The following ERMARD variants were observed in gnomAD, a reference collection of about 807,000 sequenced individuals.
The protein encoded by ERMARD is ER membrane associated RNA degradation.
In ERMARD, 71 loss-of-function variants were observed where a neutral mutation model predicts 83.9. The observed-to-expected ratio is 0.85, with a 90% CI of 0.70 to 1.03. ERMARD has a LOEUF of 1.03. Ranked by LOEUF, ERMARD falls within the 50% of genes least tolerant of loss-of-function variation. The pLI, the probability that ERMARD is intolerant of heterozygous loss-of-function variation, is 0.00. For synonymous variants in ERMARD, 284 were observed against 298.6 expected (o/e 0.95, Z 0.50); for missense variants, 838 against 810.9 (o/e 1.03, Z -0.41).
At chr6:169,773,277 C>T (rs770311914) in intron 12 of ERMARD, 42 bp from the exon 13 acceptor site, 45 of 1,572,464 alleles carry the variant, frequency 2.9e-5, no homozygotes, top group Non-Finnish European at 2.6e-6. Flanking sequence ...AAGCTAAAAG[C>T]CCACCCAAAC....
chr6:169,755,528 C>T (rs1790695443), intron 3 of ERMARD, 106 bp downstream of exon 3: 1 of 1,424,264 alleles, frequency 7.0e-7, no homozygotes, highest in African/African-American at 1.4e-5. Context: ...CCAGGCCCTC[C>T]AGCGGTGAAG....
intron 9 of ERMARD, 113 bp from the exon 10 acceptor site, chr6:169,766,525 A>G: frequency 1.3e-6 from 1 of 746,268 alleles, no homozygotes; most frequent in Non-Finnish European, 2.1e-6. Flanking sequence ...TTGTTTTAAC[A>G]AAAAACTTTG....
In ERMARD at chr6:169,767,572, AAC is replaced by A. The variant is rs536465931; in HGVS notation, c.991-525_991-524del. 659 of 160,668 alleles carry A rather than the reference AAC, an allele frequency of 4.1e-3. 6 individuals are homozygous for A. The highest frequency in any genetic ancestry group is 0.015 in the African/African-American group (626 of 41,550). 10.0% of individuals were successfully genotyped at this position (160,668 alleles called of 1,614,324 possible). On this transcript the variant is annotated intron_variant, in intron 10 of 17. Coordinates refer to ENST00000366773, the MANE Select transcript of ERMARD (RefSeq NM_018341.3). ...ATACACACACTCTAATGTGTACACA[AAC>A]ACACATGCACATACCACACATACAC...
At chr6:169,774,087 G>A (rs1305972293) in intron 13 of ERMARD, among the ~76,000 whole-genome samples, 3 of 152,232 alleles carry the variant, frequency 2.0e-5, no homozygotes, top group East Asian at 3.9e-4. Flanking sequence ...TGTAATCCCA[G>A]CACTTTGGGA....
At chr6:169,768,936 G>A (rs998644708) in intron 11 of ERMARD, among the ~76,000 whole-genome samples, 7 of 152,148 alleles carry the variant, frequency 4.6e-5, no homozygotes, top group Admixed American at 1.3e-4. Context: ...ACAGTCAGGC[G>A]ACCTAGAATC....
In ERMARD at chr6:169,776,560, G is replaced by C; in HGVS notation, c.1626G>C (p.Gln542His). The change falls in exon 16 of 18, where the codon CAG becomes CAC. Residue 542 changes from glutamine (Q) to histidine (H), a missense_variant. Physicochemically the swap from Gln to His is conservative, Grantham distance 24 (BLOSUM62 0). Coordinates refer to ENST00000366773, the MANE Select transcript of ERMARD (RefSeq NM_018341.3). Reference sequence around the variant, plus strand: ...TTGTGCTCCGAAGCATCAGCGAACAGTGCCGCCGTGTGTCCAGCCAGGTCA... The same window carrying C: ...TTGTGCTCCGAAGCATCAGCGAACACTGCCGCCGTGTGTCCAGCCAGGTCA... ...VLVVLRSISE[Q>H]CRRVSSQVTV... The C allele has an allele frequency of 6.2e-7, 1 of 1,614,224 alleles. No individual in the cohort carries two copies. Among genetic ancestry groups the C allele is most frequent in the Non-Finnish European group, 8.5e-7 (1 of 1,180,050 alleles).
intron 6 of ERMARD, 120 bp from the exon 7 acceptor site, chr6:169,759,718 G>A (rs372242796): frequency 3.7e-5 from 36 of 982,434 alleles, no homozygotes; most frequent in Admixed American, 3.2e-4. Flanking sequence ...CACCGTGATC[G>A]GACAGTTTCA....
At chr6:169,753,274 C>G (rs1010722678) in intron 1 of ERMARD, 5 of 154,380 alleles carry the variant, frequency 3.2e-5, no homozygotes, top group African/African-American at 1.2e-4. Context: ...CATTTGCTGC[C>G]TCTTGTCTTC....
In ERMARD at chr6:169,769,531, T is replaced by G; in HGVS notation, c.1060-9T>G. 1 of 1,594,666 alleles carries G rather than the reference T, an allele frequency of 6.3e-7. No individual in the cohort carries two copies. ...TAACAAAATATTTTCTCTGTTTAATTTCTGAAAGGAATTTCTCTGGGATTT... is the reference window on the plus strand; with the variant it reads ...TAACAAAATATTTTCTCTGTTTAATGTCTGAAAGGAATTTCTCTGGGATTT... On this transcript the variant is annotated splice_polypyrimidine_tract_variant and intron_variant, in intron 11 of 17. Coordinates refer to ENST00000366773, the MANE Select transcript of ERMARD (RefSeq NM_018341.3).
At chr6:169,776,281 A>T (rs1394887262) in intron 15 of ERMARD, 174 bp from the exon 16 acceptor site, 2 of 1,550,972 alleles carry the variant, frequency 1.3e-6, no homozygotes, top group Non-Finnish European at 1.7e-6. Context: ...TCTGTTTGCC[A>T]CAATTCAGTG....
intron 9 of ERMARD, 100 bp from the exon 10 acceptor site, chr6:169,766,538 A>C: frequency 1.2e-6 from 1 of 847,058 alleles, no homozygotes; most frequent in Middle Eastern, 2.4e-4. Flanking sequence ...AAACTTTGGG[A>C]TGTGTGGCCA....
intron 12 of ERMARD, among the ~76,000 whole-genome samples, chr6:169,770,168 TA>T (rs1438779874): frequency 6.6e-6 from 1 of 152,240 alleles, no homozygotes; most frequent in East Asian, 1.9e-4. Context: ...ACAGTTATTT[TA>T]AAAATTGTTT....
chr6:169,761,639 A>G (rs1791563817), intron 8 of ERMARD, among the ~76,000 whole-genome samples: 1 of 152,014 alleles, frequency 6.6e-6, no homozygotes, highest in Non-Finnish European at 1.5e-5. Flanking sequence ...TTTTAAAATC[A>G]CTAGTTAGTG....
At position 169,763,571 on chromosome 6, in the gene ERMARD, G is replaced by A. The variant is rs115573996; in HGVS notation, c.960+1040G>A. ...GCTTCCCACGGGACGATCTGTTGTGGAGGGAGGGCAGGTGCAGCCGCTCCA... is the reference window on the plus strand; with the variant it reads ...GCTTCCCACGGGACGATCTGTTGTGAAGGGAGGGCAGGTGCAGCCGCTCCA... On this transcript the variant is annotated intron_variant, in intron 9 of 17. Coordinates refer to ENST00000366773, the MANE Select transcript of ERMARD (RefSeq NM_018341.3). Among the ~76,000 whole-genome samples the A allele has an allele frequency of 3.2e-3, 495 of 152,358 alleles. 10 individuals are homozygous for A. The highest frequency in any genetic ancestry group is 0.012 in the African/African-American group (481 of 41,588).
intron 15 of ERMARD, 49 bp from the exon 16 acceptor site, chr6:169,776,406 G>T (rs778462383): frequency 6.3e-7 from 1 of 1,586,256 alleles, no homozygotes; most frequent in African/African-American, 1.3e-5. Flanking sequence ...GGAGAGTGAG[G>T]CCCAGGTGAG....
At chr6:169,774,681 C>T (rs895731739) in intron 13 of ERMARD, among the ~76,000 whole-genome samples, 7 of 152,346 alleles carry the variant, frequency 4.6e-5, no homozygotes, top group African/African-American at 1.7e-4. Flanking sequence ...CACCGTTGTA[C>T]TTGCTCATAC....
chr6:169,759,945 C>A lies in ERMARD; in HGVS notation c.713C>A (p.Thr238Lys), dbSNP rs745553707. Residue 238 changes from threonine to lysine, a missense_variant, in exon 7 of 18, where the codon ACA becomes AAA. Thr to Lys is a moderately conservative substitution (Grantham distance 78). Transcript: ENST00000366773. Reference sequence around the variant, plus strand: ...GCACATCGCTCTTTCATATCTCTTACAAACCTCGAGGATTTGATTGTTTTT... The same window carrying A: ...GCACATCGCTCTTTCATATCTCTTAAAAACCTCGAGGATTTGATTGTTTTT... Reference protein sequence around the residue: ...TLAHRSFISLTNLEDLIVFPD... With the variant: ...TLAHRSFISLKNLEDLIVFPD... The A allele has an allele frequency of 8.1e-6, 13 of 1,614,114 alleles. No individual in the cohort carries two copies. In the Admixed American group the frequency reaches 1.8e-4, roughly 23 times the overall value.
intron 13 of ERMARD, among the ~76,000 whole-genome samples, chr6:169,774,579 C>G (rs913004372): frequency 4.6e-5 from 7 of 152,204 alleles, no homozygotes; most frequent in African/African-American, 1.7e-4. Flanking sequence ...CTGTCCCCCT[C>G]CTGGCATCTC....
chr6:169,752,454 C>T (rs1790247613), intron 1 of ERMARD, among the ~76,000 whole-genome samples: 1 of 152,164 alleles, frequency 6.6e-6, no homozygotes, highest in Non-Finnish European at 1.5e-5. Context: ...AGAGTTCCAG[C>T]CCCATAGAGC....
Sources: allele counts gnomAD v4.1 joint callset (sites outside exome capture counted in the v4.1 genomes callset), GRCh38; gene constraint gnomAD v4.1.1; transcripts MANE v1.5; gene names NCBI Gene and HGNC (gene_info 2026-07-23, HGNC 2026-07-21).